The following PIGX variants were observed in gnomAD, a reference collection of about 807,000 sequenced individuals.
PIGX encodes the protein GPI alpha-1,4-mannosyltransferase I, stabilizing subunit.
Under a neutral mutation model 28.7 loss-of-function variants are expected in PIGX, and 24 were observed. The observed-to-expected ratio is 0.84, with a 90% CI of 0.60 to 1.17. The LOEUF is 1.17. PIGX is among the 50% of genes most tolerant of loss of function. The pLI, the probability that PIGX is intolerant of heterozygous loss-of-function variation, is 0.00. For missense variants in PIGX, 305 were observed against 317.8 expected (o/e 0.96, Z 0.31); for synonymous variants, 127 against 121.0 (o/e 1.05, Z -0.33).
chr3:196,732,274 T>A (rs1164579052), intron 5 of PIGX, among the ~76,000 whole-genome samples: 7 of 72,658 alleles, frequency 9.6e-5, no homozygotes, highest in African/African-American at 1.8e-4. Flanking sequence ...TTATTTTATT[T>A]TTTTTTTTAT....
chr3:196,722,587 A>G (rs1476864793), intron 3 of PIGX, 31 bp downstream of exon 3: 1 of 1,592,354 alleles, frequency 6.3e-7, no homozygotes, highest in South Asian at 1.1e-5. Flanking sequence ...TTTGGGAGAG[A>G]AATTAATTTA....
At chr3:196,714,279 CAT>C (rs1454626006) in intron 1 of PIGX, among the ~76,000 whole-genome samples, 1 of 152,112 alleles carries the variant, frequency 6.6e-6, no homozygotes, top group Non-Finnish European at 1.5e-5. Flanking sequence ...GCCTGGAAAA[CAT>C]AGCAAGACCC....
intron 3 of PIGX, among the ~76,000 whole-genome samples, chr3:196,727,207 G>A (rs979504219): frequency 1.3e-5 from 2 of 152,164 alleles, no homozygotes; most frequent in Non-Finnish European, 2.9e-5. Flanking sequence ...GTGTGTGTAT[G>A]TGGATATATG....
chr3:196,717,059 G>C, intron 2 of PIGX, 138 bp downstream of exon 2: 1 of 562,018 alleles, frequency 1.8e-6, no homozygotes, highest in Non-Finnish European at 3.2e-6. Context: ...CCAACACTTT[G>C]GGAGGCCGAG....
At chr3:196,714,299 G>A (rs11185454) in intron 1 of PIGX, among the ~76,000 whole-genome samples, 62,385 of 151,870 alleles carry the variant, frequency 0.41, 13,032 homozygotes, top group East Asian at 0.56. Context: ...CCCTGTCTCT[G>A]CAAAAAAATT....
rs1369158041 is a variant in PIGX, at chr3:196,734,929, CAA to C, written c.*1029_*1030del. 1 of 151,870 alleles carries C rather than the reference CAA, an allele frequency of 6.6e-6. No individual in the cohort carries two copies. The highest frequency in any genetic ancestry group is 1.5e-5 in the Non-Finnish European group (1 of 67,974). 9.4% of individuals were successfully genotyped at this position (151,870 alleles called of 1,614,324 possible). A position where few individuals can be genotyped will look rare whatever the true frequency, so the allele number is the denominator to read the frequency against. On this transcript the variant is annotated 3_prime_UTR_variant, in exon 6 of 6. Coordinates refer to ENST00000392391, the MANE Select transcript of PIGX (RefSeq NM_017861.4). ...GGAATCATCAGGTAATTTTTTTAAA[CAA>C]AGGTTCTTCATTTACTGTTATGATT...
chr3:196,729,699 T>G (rs1174366471), intron 4 of PIGX, among the ~76,000 whole-genome samples: 1 of 151,174 alleles, frequency 6.6e-6, no homozygotes, highest in Non-Finnish European at 1.5e-5. Context: ...GACATTTTCT[T>G]TAGTTTACGA....
At chr3:196,713,885 A>AC (rs1483612430) in intron 1 of PIGX, among the ~76,000 whole-genome samples, 2 of 151,890 alleles carry the variant, frequency 1.3e-5, no homozygotes, top group Non-Finnish European at 2.9e-5. Context: ...GAGCCAGTTC[A>AC]CCACTACCAA....
intron 2 of PIGX, among the ~76,000 whole-genome samples, chr3:196,721,520 C>T (rs555483083): frequency 2.0e-4 from 31 of 152,010 alleles, no homozygotes; most frequent in African/African-American, 6.3e-4. Flanking sequence ...ACTGCAGCCT[C>T]GACCTCCTGG....
In PIGX at chr3:196,712,469, A is replaced by C; in HGVS notation, c.-64A>C. On this transcript the variant is annotated 5_prime_UTR_variant, in exon 1 of 6. Coordinates refer to ENST00000392391, the MANE Select transcript of PIGX (RefSeq NM_017861.4). The stretch of plus-strand genomic sequence containing the variant: ...CGCGCGGTAGGAGCTGCGGGCGGCC[A>C]GGCCCCTTCCTGCGTCCGCACCTGG... The C allele has an allele frequency of 1.3e-6, 1 of 775,788 alleles. No individual in the cohort carries two copies. The highest frequency in any genetic ancestry group is 1.7e-6 in the Non-Finnish European group (1 of 595,750). 48.1% of individuals were successfully genotyped at this position (775,788 alleles called of 1,614,324 possible). A position where few individuals can be genotyped will look rare whatever the true frequency, so the allele number is the denominator to read the frequency against.
chr3:196,721,143 T>C (rs891118883), intron 2 of PIGX: 1 of 349,612 alleles, frequency 2.9e-6, no homozygotes. Context: ...TATATCTTCA[T>C]TTTTTTTCTG....
chr3:196,712,703 C>G lies in PIGX; in HGVS notation c.112+59C>G, dbSNP rs981228416. The G allele has an allele frequency of 1.7e-5, 20 of 1,156,256 alleles. No homozygotes were observed. The Admixed American group carries it at 2.3e-4, about 14-fold the overall frequency. 71.6% of individuals were successfully genotyped at this position (1,156,256 alleles called of 1,614,324 possible). ...GGGAGCGGTCCCGGCTCCCGGGCCTCTCGGCGGGTTGCGGGGATGTGGGGA... is the reference window on the plus strand; with the variant it reads ...GGGAGCGGTCCCGGCTCCCGGGCCTGTCGGCGGGTTGCGGGGATGTGGGGA... On this transcript the variant is annotated intron_variant, in intron 1 of 5. Transcript: ENST00000392391.
chr3:196,733,739 T>C lies in PIGX; in HGVS notation c.634-20T>C. On this transcript the variant is annotated intron_variant, in intron 5 of 5. Transcript: ENST00000392391. The surrounding 1 kb of genome is among the most constrained non-coding windows in gnomAD (Gnocchi z 4.3). ...ATGACATGCATTTTCAATGTCTAAC[T>C]TCTCTCTCTCTCTCCATAGGTATAT... 1 of 1,566,286 alleles carries C rather than the reference T, an allele frequency of 6.4e-7. No individual in the cohort carries two copies. The highest frequency in any genetic ancestry group is 8.8e-7 in the Non-Finnish European group (1 of 1,138,638).
intron 4 of PIGX, 80 bp downstream of exon 4, chr3:196,728,216 C>G (rs750106489): frequency 8.9e-7 from 1 of 1,127,050 alleles, no homozygotes; most frequent in East Asian, 2.5e-5. Flanking sequence ...GCTAGGCTGG[C>G]TGGCAAGGCC....
At chr3:196,725,677 C>A (rs1712490757) in intron 3 of PIGX, among the ~76,000 whole-genome samples, 1 of 152,078 alleles carries the variant, frequency 6.6e-6, no homozygotes, top group South Asian at 2.1e-4. Context: ...TACCTGATGC[C>A]AGGGAAAGAG....
At chr3:196,714,622 C>T (rs1396789121) in intron 1 of PIGX, among the ~76,000 whole-genome samples, 1 of 152,092 alleles carries the variant, frequency 6.6e-6, no homozygotes, top group East Asian at 1.9e-4. Flanking sequence ...CCACGACGCC[C>T]GGCTAATTTT....
In PIGX at chr3:196,730,152, C is replaced by T. The variant is rs566754156; in HGVS notation, c.533-840C>T. On this transcript the variant is annotated intron_variant, in intron 4 of 5. Coordinates refer to ENST00000392391, the MANE Select transcript of PIGX (RefSeq NM_017861.4). Reference sequence around the variant, plus strand: ...AATACTACATTTGTTACCGTCATACCTTTCATGACGAGAAAATTAAAAATG... The same window carrying T: ...AATACTACATTTGTTACCGTCATACTTTTCATGACGAGAAAATTAAAAATG... Among the ~76,000 whole-genome samples, 18 of 151,814 alleles carry T rather than the reference C, an allele frequency of 1.2e-4. No homozygotes were observed. In the South Asian group the frequency reaches 3.7e-3, roughly 32 times the overall value.
chr3:196,717,256 A>G (rs929044865), intron 2 of PIGX, among the ~76,000 whole-genome samples: 7 of 143,834 alleles, frequency 4.9e-5, no homozygotes, highest in African/African-American at 1.8e-4. Context: ...AGCCGAGATC[A>G]TGCCACTGCA....
rs901001882 is a variant in PIGX, at chr3:196,733,646, C to G, written c.634-113C>G. 1.4e-6 allele frequency: 1 copy of G among 725,932 alleles called. No individual in the cohort carries two copies. The highest frequency in any genetic ancestry group is 2.4e-6 in the Non-Finnish European group (1 of 418,236). 45.0% of individuals were successfully genotyped at this position (725,932 alleles called of 1,614,324 possible). On this transcript the variant is annotated intron_variant, in intron 5 of 5. Coordinates refer to ENST00000392391, the MANE Select transcript of PIGX (RefSeq NM_017861.4). This position sits in a 1 kb window ranked among gnomAD's most constrained non-coding sequence, Gnocchi z 4.3. ...CAGGCTGGTTTTGAACTCCTGACCTCAAGCGATCTGCCCGCCTTGGCCTCC... is the reference window on the plus strand; with the variant it reads ...CAGGCTGGTTTTGAACTCCTGACCTGAAGCGATCTGCCCGCCTTGGCCTCC...
Sources: allele counts gnomAD v4.1 joint callset (sites outside exome capture counted in the v4.1 genomes callset), GRCh38; gene constraint gnomAD v4.1.1; non-coding constraint Gnocchi (gnomAD v3.1); transcripts MANE v1.5; gene names NCBI Gene and HGNC (gene_info 2026-07-23, HGNC 2026-07-21).